The following CNST variants were observed in gnomAD, a reference collection of about 807,000 sequenced individuals.
CNST encodes consortin, connexin sorting protein.
Under a neutral mutation model 72.4 loss-of-function variants are expected in CNST, and 39 were observed. The observed-to-expected ratio is 0.54, with a 90% CI of 0.42 to 0.70. The LOEUF (loss-of-function observed/expected upper bound fraction) is 0.70. Ranked by LOEUF, CNST falls within the 30% of genes least tolerant of loss-of-function variation. The pLI is 0.00. For synonymous variants in CNST, 332 were observed against 320.1 expected, an observed-to-expected ratio of 1.04 and a Z score of -0.40; for missense variants, 871 against 868.5, an observed-to-expected ratio of 1.00 and a Z score of -0.04.
chr1:246,574,901 ATAATT>A (rs1280689936), intron 1 of CNST, among the ~76,000 whole-genome samples: 3 of 152,096 alleles, frequency 2.0e-5, no homozygotes, highest in African/African-American at 4.8e-5. Context: ...TAAAACAAAA[ATAATT>A]TAATAGATTA....
intron 1 of CNST, among the ~76,000 whole-genome samples, chr1:246,568,901 ATATT>A (rs1329204293): frequency 6.6e-6 from 1 of 152,020 alleles, no homozygotes; most frequent in African/African-American, 2.4e-5. Context: ...ACATTTAAAT[ATATT>A]TATTTATTTG....
intron 9 of CNST, among the ~76,000 whole-genome samples, chr1:246,652,812 G>T (rs963381145): frequency 4.0e-5 from 6 of 150,852 alleles, no homozygotes; most frequent in Non-Finnish European, 4.4e-5. Context: ...AGACCATCCT[G>T]GCTAACACGG....
rs150285114 is a variant in CNST, at chr1:246,635,767, G to A, written c.818+1180G>A. 6.9e-3 allele frequency among the ~76,000 whole-genome samples: 1,056 copies of A among 152,274 alleles called. 9 individuals carry two copies. Among genetic ancestry groups the A allele is most frequent in the African/African-American group, 0.023 (974 of 41,546 alleles). The stretch of plus-strand genomic sequence containing the variant: ...ATATATGTGGGAGTGCGATAACCCC[G>A]TGAACCATCCTCAGCCCAGGTGGCA... On this transcript the variant is annotated intron_variant, in intron 6 of 10. Transcript: ENST00000366513.
At chr1:246,662,823 C>T (rs776031496) in intron 10 of CNST, among the ~76,000 whole-genome samples, 1 of 152,104 alleles carries the variant, frequency 6.6e-6, no homozygotes, top group Non-Finnish European at 1.5e-5. Flanking sequence ...CTGTGTTCAT[C>T]GCCGCTCAGT....
At chr1:246,610,500 G>A (rs1663241936) in intron 2 of CNST, among the ~76,000 whole-genome samples, 2 of 152,178 alleles carry the variant, frequency 1.3e-5, no homozygotes, top group South Asian at 2.1e-4. Flanking sequence ...TCACCAGAAT[G>A]GGCCACACTG....
intron 2 of CNST, among the ~76,000 whole-genome samples, chr1:246,599,511 C>T (rs1662124685): frequency 1.3e-5 from 2 of 152,196 alleles, no homozygotes; most frequent in African/African-American, 4.8e-5. Flanking sequence ...CCTCACATTG[C>T]ATCACTTTGA....
intron 1 of CNST, among the ~76,000 whole-genome samples, chr1:246,570,921 A>G (rs1299149312): frequency 1.3e-5 from 2 of 152,312 alleles, no homozygotes; most frequent in South Asian, 2.1e-4. Flanking sequence ...CTAACTTAAT[A>G]TATGTATGTC....
chr1:246,625,890 C>T (rs889007908), intron 3 of CNST, among the ~76,000 whole-genome samples: 1 of 152,070 alleles, frequency 6.6e-6, no homozygotes, highest in Non-Finnish European at 1.5e-5. Flanking sequence ...TTGTTAAATC[C>T]GGTGGTCAGA....
intron 6 of CNST, among the ~76,000 whole-genome samples, chr1:246,634,949 G>A (rs1176441937): frequency 9.3e-5 from 2 of 21,612 alleles, no homozygotes; most frequent in South Asian, 2.3e-3. Flanking sequence ...GTCTATCCTC[G>A]GTGGTGCGTG....
rs750840681 is a variant in CNST, at chr1:246,631,940, T to C, written c.616+16T>C. 2 of 1,477,598 alleles carry C rather than the reference T, an allele frequency of 1.4e-6. No homozygotes were observed. Among genetic ancestry groups the C allele is most frequent in the South Asian group, 1.2e-5 (1 of 81,850 alleles). The allele number at this position is 1,477,598 out of a possible 1,614,324, so 91.5% of individuals were successfully genotyped here. ...GAGGAGGACTGTATCCTTTTCTTAA[T>C]TACAGGAAGAAATTTTTAGAACTCT... On this transcript the variant is annotated intron_variant, in intron 4 of 10. Transcript: ENST00000366513.
Position 246,664,615 on chromosome 1 carries a change from A to T in CNST, c.1973-1085A>T, listed in dbSNP as rs979524109. Among the ~76,000 whole-genome samples the T allele has an allele frequency of 5.3e-4, 81 of 151,574 alleles. 1 individual carries two copies. Among genetic ancestry groups the T allele is most frequent in the Non-Finnish European group, 7.4e-5 (5 of 67,900 alleles). On this transcript the variant is annotated intron_variant, in intron 10 of 10. Transcript: ENST00000366513. ...CTGATTTTTTATATTTTTAGTAGAG[A>T]CGGGGTTTCACCGTGTCAGCCAGGA...
At chr1:246,594,685 T>C (rs1358509827) in intron 2 of CNST, among the ~76,000 whole-genome samples, 2 of 152,022 alleles carry the variant, frequency 1.3e-5, no homozygotes, top group African/African-American at 4.8e-5. Context: ...GAGAGAATGG[T>C]TTGAGCCTGG....
At chr1:246,573,113 C>A (rs74923291) in intron 1 of CNST, among the ~76,000 whole-genome samples, 2,872 of 152,274 alleles carry the variant, frequency 0.019, 47 homozygotes, top group Non-Finnish European at 0.028. Context: ...CATCTTAATT[C>A]AAATTCAGCC....
chr1:246,567,444 ATTATCC>A (rs1041607338), intron 1 of CNST, among the ~76,000 whole-genome samples: 38 of 152,008 alleles, frequency 2.5e-4, no homozygotes, highest in African/African-American at 8.4e-4. Flanking sequence ...GCTTTTACCC[ATTATCC>A]TTACCACCAA....
chr1:246,662,101 C>T (rs1357717559), intron 10 of CNST, among the ~76,000 whole-genome samples: 2 of 152,186 alleles, frequency 1.3e-5, no homozygotes, highest in Non-Finnish European at 2.9e-5. Context: ...TAACATCTGC[C>T]TCTCTGTCCC....
In CNST at chr1:246,666,237, A is replaced by G. The variant is rs1667384883; in HGVS notation, c.*332A>G. 1 of 199,398 alleles carries G rather than the reference A, an allele frequency of 5.0e-6. No individual in the cohort carries two copies. Among genetic ancestry groups the G allele is most frequent in the Non-Finnish European group, 1.0e-5 (1 of 98,914 alleles). 12.4% of individuals were successfully genotyped at this position (199,398 alleles called of 1,614,324 possible). ...CACACTATTTTTAGCTACCTTGTCAAGCTAATGGTTAAAGAACACTTTTGG... is the reference window on the plus strand; with the variant it reads ...CACACTATTTTTAGCTACCTTGTCAGGCTAATGGTTAAAGAACACTTTTGG... On this transcript the variant is annotated 3_prime_UTR_variant, in exon 11 of 11. Coordinates refer to ENST00000366513, the MANE Select transcript of CNST (RefSeq NM_152609.3).
chr1:246,643,435 T>C (rs897148698), intron 8 of CNST, among the ~76,000 whole-genome samples: 16 of 152,198 alleles, frequency 1.1e-4, no homozygotes, highest in African/African-American at 3.9e-4. Context: ...GTTGAGCACC[T>C]TGGGAAAAGT....
intron 3 of CNST, among the ~76,000 whole-genome samples, chr1:246,622,098 G>C (rs562619778): frequency 2.4e-4 from 37 of 152,302 alleles, no homozygotes; most frequent in African/African-American, 8.4e-4. Flanking sequence ...GGTGACCCTC[G>C]TGGGATATTT....
At chr1:246,569,589 T>A (rs1304898016) in intron 1 of CNST, among the ~76,000 whole-genome samples, 1 of 152,088 alleles carries the variant, frequency 6.6e-6, no homozygotes, top group Non-Finnish European at 1.5e-5. Flanking sequence ...TTTGTTTTGT[T>A]TGTTTTGAGA....
Sources: gnomAD v4.1 joint callset for allele counts (sites outside exome capture counted in the v4.1 genomes callset) on GRCh38, gnomAD v4.1.1 for gene constraint, MANE v1.5 for transcripts, NCBI Gene and HGNC (gene_info 2026-07-23, HGNC 2026-07-21) for gene names.